Variants in NLGN1 observed in about 807,000 individuals in gnomAD.
The protein encoded by NLGN1 is neuroligin-1.
Under a neutral mutation model 65.5 loss-of-function variants are expected in NLGN1, and 12 were observed. The ratio of observed to expected loss-of-function variants is 0.18; its 90% CI spans 0.12 to 0.30. The LOEUF (loss-of-function observed/expected upper bound fraction) is 0.30, where lower values mean the gene tolerates loss of function less well. Among genes scored for constraint, NLGN1 ranks in the 10% least tolerant of loss-of-function variants. The probability of loss-of-function intolerance (pLI) is 1.00; values close to 1 mark genes in which losing one functional copy is unlikely to be tolerated. For synonymous variants in NLGN1, 350 were observed against 359.5 expected (o/e 0.97, Z 0.30); for missense variants, 750 against 1,007.1 (o/e 0.74, Z 3.46).
At chr3:173,406,236 A>G (rs1457627851) in intron 1 of NLGN1, among the ~76,000 whole-genome samples, 2 of 152,082 alleles carry the variant, frequency 1.3e-5, no homozygotes, top group East Asian at 3.9e-4. Flanking sequence ...AGTGGATGTA[A>G]AAGTGGGAGG....
chr3:173,838,258 C>T (rs898851374), intron 4 of NLGN1, among the ~76,000 whole-genome samples: 3 of 151,086 alleles, frequency 2.0e-5, no homozygotes, highest in East Asian at 3.9e-4. Context: ...ATAAAAAGAA[C>T]ATTTTATCCT....
chr3:173,668,540 G>T (rs1762026004), intron 3 of NLGN1, among the ~76,000 whole-genome samples: 1 of 152,006 alleles, frequency 6.6e-6, no homozygotes, highest in Non-Finnish European at 1.5e-5. Flanking sequence ...CTGTGTGAAA[G>T]GCTTGGCCAT....
intron 3 of NLGN1, among the ~76,000 whole-genome samples, chr3:173,769,125 G>A (rs1035168314): frequency 1.3e-5 from 2 of 152,114 alleles, no homozygotes; most frequent in African/African-American, 4.8e-5. Context: ...GGCCCAGAAA[G>A]TCCAAATTAA....
chr3:174,047,884 T>A (rs186230871), intron 4 of NLGN1, among the ~76,000 whole-genome samples: 18 of 151,924 alleles, frequency 1.2e-4, no homozygotes, highest in African/African-American at 4.3e-4. Flanking sequence ...AAAATTTTGC[T>A]AGGAAAAAGT....
At chr3:173,783,737 C>G (rs1254681840) in intron 3 of NLGN1, among the ~76,000 whole-genome samples, 1 of 152,158 alleles carries the variant, frequency 6.6e-6, no homozygotes, top group East Asian at 1.9e-4. Flanking sequence ...GCCTCAGCCT[C>G]CTGAGTTGTT....
chr3:174,068,988 G>A (rs1038728476), intron 4 of NLGN1, among the ~76,000 whole-genome samples: 25 of 152,256 alleles, frequency 1.6e-4, no homozygotes, highest in African/African-American at 5.8e-4. Flanking sequence ...AAGAGTTATT[G>A]TTAAACATAG....
intron 3 of NLGN1, among the ~76,000 whole-genome samples, chr3:173,665,481 A>G (rs1449185663): frequency 6.6e-6 from 1 of 152,162 alleles, no homozygotes; most frequent in East Asian, 1.9e-4. Flanking sequence ...CAGTGGCAGA[A>G]TGGCACAACT....
In NLGN1 at chr3:173,880,396, T is replaced by A. The variant is rs1012661619; in HGVS notation, c.646+72564T>A. 5.3e-5 allele frequency among the ~76,000 whole-genome samples: 8 copies of A among 151,714 alleles called. 1 individual carries two copies. The highest frequency in any genetic ancestry group is 6.6e-5 in the Admixed American group (1 of 15,258). On this transcript the variant is annotated intron_variant, in intron 4 of 6. Transcript: ENST00000457714. Reference sequence around the variant, plus strand: ...TTACTAATTTATTTTAATTAATAAATAAAAATAATATACAGGCATAGCTCA... The same window carrying A: ...TTACTAATTTATTTTAATTAATAAAAAAAAATAATATACAGGCATAGCTCA...
intron 2 of NLGN1, among the ~76,000 whole-genome samples, chr3:173,489,878 GTCT>G (rs1560327907): frequency 6.6e-6 from 1 of 152,040 alleles, no homozygotes; most frequent in Non-Finnish European, 1.5e-5. Context: ...CTGCATAAAT[GTCT>G]TCTTTTGAGA....
At chr3:173,886,801 A>G (rs1263899876) in intron 4 of NLGN1, among the ~76,000 whole-genome samples, 3 of 152,082 alleles carry the variant, frequency 2.0e-5, no homozygotes, top group Admixed American at 1.3e-4. Flanking sequence ...GTGCATGACC[A>G]GAGACTGCTG....
chr3:173,858,171 G>A (rs190431989), intron 4 of NLGN1, among the ~76,000 whole-genome samples: 58 of 152,198 alleles, frequency 3.8e-4, no homozygotes, highest in Non-Finnish European at 7.6e-4. Flanking sequence ...ATCTTCACAT[G>A]CACAGTGAGT....
chr3:173,706,074 C>T (rs1032967304), intron 3 of NLGN1, among the ~76,000 whole-genome samples: 7 of 152,120 alleles, frequency 4.6e-5, no homozygotes, highest in African/African-American at 1.7e-4. Flanking sequence ...AAATAATTTT[C>T]GTGCTCCTTG....
chr3:173,818,496 C>G (rs1001399660), intron 4 of NLGN1, among the ~76,000 whole-genome samples: 1 of 151,866 alleles, frequency 6.6e-6, no homozygotes, highest in African/African-American at 2.4e-5. Flanking sequence ...TTTAAAAAAG[C>G]AACTGTGGAA....
At chr3:173,489,807 G>C (rs1728802287) in intron 2 of NLGN1, among the ~76,000 whole-genome samples, 1 of 151,798 alleles carries the variant, frequency 6.6e-6, no homozygotes, top group Non-Finnish European at 1.5e-5. Context: ...TCTCATTGTG[G>C]TTTTGTTTTC....
chr3:174,273,059 T>A (rs927285646), intron 4 of NLGN1, among the ~76,000 whole-genome samples: 1 of 151,206 alleles, frequency 6.6e-6, no homozygotes, highest in Non-Finnish European at 1.5e-5. Context: ...GACTAAAGAG[T>A]GCATCTATAA....
rs532447321 is a variant in NLGN1 at position 173,918,418 on chromosome 3, C to G, written c.646+110586C>G. ...TTGGGGGGCCGAGGCAGGCAGATCACGAGGTCAGGAGTTTGAGACCAACCT... is the reference window on the plus strand; with the variant it reads ...TTGGGGGGCCGAGGCAGGCAGATCAGGAGGTCAGGAGTTTGAGACCAACCT... On this transcript the variant is annotated intron_variant, in intron 4 of 6. Coordinates refer to ENST00000457714, the Ensembl canonical transcript of NLGN1. 2.0e-5 allele frequency among the ~76,000 whole-genome samples: 3 copies of G among 151,920 alleles called. No homozygotes were observed. In the East Asian group the frequency reaches 5.8e-4, roughly 29 times the overall value.
At chr3:173,771,935 C>T (rs1779653888) in intron 3 of NLGN1, among the ~76,000 whole-genome samples, 1 of 151,826 alleles carries the variant, frequency 6.6e-6, no homozygotes, top group Non-Finnish European at 1.5e-5. Flanking sequence ...TTGTGGTTAA[C>T]TTGTCTTTGT....
intron 4 of NLGN1, among the ~76,000 whole-genome samples, chr3:174,161,764 A>C (rs1471591140): frequency 2.0e-5 from 3 of 151,898 alleles, no homozygotes; most frequent in African/African-American, 7.2e-5. Flanking sequence ...GCTCCTTAAT[A>C]CTATCCACGG....
intron 1 of NLGN1, among the ~76,000 whole-genome samples, chr3:173,423,815 G>T (rs1017234141): frequency 5.9e-5 from 9 of 152,154 alleles, no homozygotes; most frequent in Non-Finnish European, 1.3e-4. Context: ...TCTAGAGGGT[G>T]GTGGCCCTCT....
Sources: gnomAD v4.1 joint callset for allele counts (sites outside exome capture counted in the v4.1 genomes callset) on GRCh38, gnomAD v4.1.1 for gene constraint, MANE v1.5 for transcripts, NCBI Gene and HGNC (gene_info 2026-07-23, HGNC 2026-07-21) for gene names.